Variants in MIPEP observed in about 807,000 individuals in gnomAD.
MIPEP encodes the protein mitochondrial intermediate peptidase.
A neutral mutation model predicts 90.3 loss-of-function variants in MIPEP; 79 were observed. The observed-to-expected ratio is 0.87, with a 90% confidence interval of 0.73 to 1.05. The LOEUF (loss-of-function observed/expected upper bound fraction) is 1.05. Ranked by LOEUF, MIPEP falls within the 50% of genes least tolerant of loss-of-function variation. The pLI is 0.00. For missense variants in MIPEP, 940 were observed against 905.6 expected (o/e 1.04, Z -0.49); for synonymous variants, 334 against 315.8 (o/e 1.06, Z -0.61).
intron 5 of MIPEP, among the ~76,000 whole-genome samples, chr13:23,870,753 C>T (rs1029377740): frequency 3.3e-5 from 5 of 151,890 alleles, no homozygotes; most frequent in African/African-American, 1.2e-4. Flanking sequence ...TGCAATGAGC[C>T]GAGATCGCAC....
intron 14 of MIPEP, among the ~76,000 whole-genome samples, chr13:23,830,308 A>G (rs1490067259): frequency 6.6e-6 from 1 of 152,244 alleles, no homozygotes; most frequent in East Asian, 1.9e-4. Flanking sequence ...TTTTTAAATA[A>G]CAGAAGATTA....
At chr13:23,768,453 T>C (rs1453419186) in intron 16 of MIPEP, among the ~76,000 whole-genome samples, 1 of 152,222 alleles carries the variant, frequency 6.6e-6, no homozygotes. Context: ...CGGTGGCTCA[T>C]GTCTGTAATC....
At chr13:23,770,908 G>T (rs1044420108) in intron 16 of MIPEP, among the ~76,000 whole-genome samples, 2 of 152,284 alleles carry the variant, frequency 1.3e-5, no homozygotes, top group South Asian at 2.1e-4. Flanking sequence ...TGTCTTGTGC[G>T]TGCTCACCAC....
At chr13:23,730,470 CTGCGTT>C in intron 18 of MIPEP, 25 bp from the exon 19 acceptor site, 1 of 1,505,788 alleles carries the variant, frequency 6.6e-7, no homozygotes, top group South Asian at 1.1e-5. Context: ...AAGGTCAGAA[CTGCGTT>C]CACCAGGAGG....
At chr13:23,875,845 A>G (rs1158198427) in intron 4 of MIPEP, among the ~76,000 whole-genome samples, 1 of 152,190 alleles carries the variant, frequency 6.6e-6, no homozygotes, top group African/African-American at 2.4e-5. Flanking sequence ...GTTATATTAT[A>G]TATTTAGAAT....
At chr13:23,786,406 A>C (rs1015439641) in intron 16 of MIPEP, among the ~76,000 whole-genome samples, 2 of 152,202 alleles carry the variant, frequency 1.3e-5, no homozygotes, top group African/African-American at 4.8e-5. Flanking sequence ...AAACGGAAAA[A>C]GTCTAATAGA....
At chr13:23,831,048 G>A (rs1001004595) in intron 14 of MIPEP, among the ~76,000 whole-genome samples, 1 of 152,138 alleles carries the variant, frequency 6.6e-6, no homozygotes, top group African/African-American at 2.4e-5. Context: ...TGTGAAGCAG[G>A]GGAAAGGGTG....
intron 16 of MIPEP, among the ~76,000 whole-genome samples, chr13:23,804,222 G>A (rs1315572350): frequency 6.6e-6 from 1 of 152,116 alleles, no homozygotes; most frequent in African/African-American, 2.4e-5. Context: ...TTAGACCTAC[G>A]ATAAAAAAGG....
At chr13:23,739,753 G>T (rs1469308145) in intron 18 of MIPEP, among the ~76,000 whole-genome samples, 1 of 152,122 alleles carries the variant, frequency 6.6e-6, no homozygotes, top group Non-Finnish European at 1.5e-5. Flanking sequence ...GCAGAAACAT[G>T]ACTACTCCTG....
At chr13:23,757,195 A>G (rs1274633047) in intron 17 of MIPEP, among the ~76,000 whole-genome samples, 2 of 152,170 alleles carry the variant, frequency 1.3e-5, no homozygotes, top group African/African-American at 2.4e-5. Context: ...TCAGAGTCTC[A>G]TAAGGAGTGC....
chr13:23,876,656 C>G (rs1231647986), intron 4 of MIPEP, among the ~76,000 whole-genome samples: 2 of 151,908 alleles, frequency 1.3e-5, no homozygotes, highest in African/African-American at 4.8e-5. Context: ...TATATTAACT[C>G]TTTGTCATAT....
intron 10 of MIPEP, among the ~76,000 whole-genome samples, chr13:23,841,740 GTTAT>G (rs1322531885): frequency 1.3e-5 from 2 of 152,182 alleles, no homozygotes; most frequent in Non-Finnish European, 2.9e-5. Context: ...TCCCTTCCCT[GTTAT>G]TTACTCTTTC....
At chr13:23,877,669 T>C (rs930142636) in intron 4 of MIPEP, among the ~76,000 whole-genome samples, 5 of 152,206 alleles carry the variant, frequency 3.3e-5, no homozygotes, top group Admixed American at 2.6e-4. Flanking sequence ...AAGAATAACA[T>C]GATGAGTTAC....
chr13:23,869,133 C>T (rs970241533), intron 7 of MIPEP, among the ~76,000 whole-genome samples, 159 bp downstream of exon 7: 1 of 152,166 alleles, frequency 6.6e-6, no homozygotes, highest in Admixed American at 6.5e-5. Context: ...ATTATTAGCT[C>T]TATTTAAAAA....
At position 23,756,584 on chromosome 13, in the gene MIPEP, C is replaced by A; in HGVS notation, c.2005G>T (p.Ala669Ser). The A allele has an allele frequency of 6.2e-7, 1 of 1,613,810 alleles. No individual in the cohort carries two copies. Among genetic ancestry groups the A allele is most frequent in the East Asian group, 2.2e-5 (1 of 44,896 alleles). The change falls in exon 18 of 19, where the codon GCC becomes TCC. Residue 669 changes from alanine to serine, a missense_variant. Physicochemically the swap from Ala to Ser is moderately conservative, Grantham distance 99. Transcript: ENST00000382172. The stretch of plus-strand genomic sequence containing the variant: ...ATGGGCTCCCTGCCTCCACCGTGGG[C>A]CAGCATCTCCCTGCGATAGCGCTCC... ...AGERYRREML[A>S]HGGGREPMLM...
At position 23,835,457 on chromosome 13, in the gene MIPEP, G is replaced by A. The variant is rs551093007; in HGVS notation, c.1653+783C>T. Among the ~76,000 whole-genome samples, 6 of 152,078 alleles carry A rather than the reference G, an allele frequency of 3.9e-5. No homozygotes were observed. In the East Asian group the frequency reaches 5.8e-4, roughly 15 times the overall value. The stretch of plus-strand genomic sequence containing the variant: ...GGTCCTTCTGTTTCTAATTCTATTC[G>A]TCCCCTCATTTAATTTCTTTCAGTG... On this transcript the variant is annotated intron_variant, in intron 14 of 18. Coordinates refer to ENST00000382172, the MANE Select transcript of MIPEP (RefSeq NM_005932.4).
rs539894252 is a variant in MIPEP, at chr13:23,753,142, T to C, written c.2044+3403A>G. On this transcript the variant is annotated intron_variant, in intron 18 of 18. Transcript: ENST00000382172. ...ACTCAGGAGGCTGAGGCAGGAGAAGTGCATAAACCCAGGAGGTGGAGGTTG... is the reference window on the plus strand; with the variant it reads ...ACTCAGGAGGCTGAGGCAGGAGAAGCGCATAAACCCAGGAGGTGGAGGTTG... Among the ~76,000 whole-genome samples, 23 of 148,560 alleles carry C rather than the reference T, an allele frequency of 1.5e-4. No individual in the cohort carries two copies. The East Asian group carries it at 4.6e-3, about 30-fold the overall frequency.
intron 1 of MIPEP, chr13:23,888,034 C>CTTT: frequency 3.0e-6 from 1 of 338,800 alleles, no homozygotes; most frequent in Non-Finnish European, 5.8e-6. Flanking sequence ...CTGAATAAGG[C>CTTT]TTTTTTTTTT....
At chr13:23,884,386 A>C (rs372218497) in intron 2 of MIPEP, among the ~76,000 whole-genome samples, 1 of 152,080 alleles carries the variant, frequency 6.6e-6, no homozygotes, top group Non-Finnish European at 1.5e-5. Context: ...ACAAGTATAC[A>C]TTTTTTTTAA....
Sources: gnomAD v4.1 joint callset for allele counts (sites outside exome capture counted in the v4.1 genomes callset) on GRCh38, gnomAD v4.1.1 for gene constraint, MANE v1.5 for transcripts, NCBI Gene and HGNC (gene_info 2026-07-23, HGNC 2026-07-21) for gene names.